HIVEP2: variants seen among roughly 807,000 people sequenced by gnomAD.
The protein encoded by HIVEP2 is transcription factor HIVEP2.
A neutral mutation model predicts 180.7 loss-of-function variants in HIVEP2; 14 were observed. That is an observed-to-expected ratio of 0.08 (90% confidence interval 0.05 to 0.12). The LOEUF (loss-of-function observed/expected upper bound fraction) is 0.12. Among genes scored for constraint, HIVEP2 ranks in the 10% least tolerant of loss-of-function variants. The pLI is 1.00. For synonymous variants in HIVEP2, 1,184 were observed against 1,136.4 expected (o/e 1.04, Z -0.84); for missense variants, 2,579 against 3,008.5 (o/e 0.86, Z 3.34).
chr6:142,841,133 AT>A (rs1343343840), intron 1 of HIVEP2, among the ~76,000 whole-genome samples: 1 of 151,860 alleles, frequency 6.6e-6, no homozygotes, highest in Non-Finnish European at 1.5e-5. Context: ...TTTTTTATAC[AT>A]TTTTTCCTGT....
intron 2 of HIVEP2, among the ~76,000 whole-genome samples, chr6:142,784,073 C>T (rs1170065910): frequency 6.6e-6 from 1 of 152,098 alleles, no homozygotes; most frequent in Non-Finnish European, 1.5e-5. Flanking sequence ...AATAGGAATC[C>T]AAACCCAACC....
intron 2 of HIVEP2, among the ~76,000 whole-genome samples, chr6:142,805,909 T>TG (rs1776536893): frequency 6.6e-6 from 1 of 152,114 alleles, no homozygotes. Context: ...AGGTCTACAA[T>TG]GGGGAATCAG....
chr6:142,850,645 A>G (rs1775624130), intron 1 of HIVEP2, among the ~76,000 whole-genome samples: 1 of 152,256 alleles, frequency 6.6e-6, no homozygotes, highest in South Asian at 2.1e-4. Context: ...TATGACAAAG[A>G]GGCTGCCCAA....
chr6:142,883,951 A>G (rs911942476), intron 1 of HIVEP2, among the ~76,000 whole-genome samples: 11 of 152,172 alleles, frequency 7.2e-5, no homozygotes, highest in Admixed American at 3.9e-4. Context: ...TAACATTTAT[A>G]GTGACAGTCA....
chr6:142,848,167 G>T (rs1775563242), intron 1 of HIVEP2, among the ~76,000 whole-genome samples: 1 of 152,202 alleles, frequency 6.6e-6, no homozygotes, highest in Non-Finnish European at 1.5e-5. Flanking sequence ...AATGAACTGT[G>T]ATGAAGCTAC....
At position 142,753,937 on chromosome 6, in the gene HIVEP2, C is replaced by T. The variant is rs1369605947; in HGVS notation, c.6517-6G>A. ...GGTAATCCTCTTCTTAAATTCTGCG[C>T]AGAGAAACAAAGAGAGCACAAAATT... On this transcript the variant is annotated splice_polypyrimidine_tract_variant and splice_region_variant and intron_variant, in intron 9 of 9. Coordinates refer to ENST00000367603, the MANE Select transcript of HIVEP2 (RefSeq NM_006734.4). 6.6e-7 allele frequency: 1 copy of T among 1,517,622 alleles called. No individual in the cohort carries two copies. The highest frequency in any genetic ancestry group is 1.9e-5 in the Admixed American group (1 of 53,734). 94.0% of individuals were successfully genotyped at this position (1,517,622 alleles called of 1,614,324 possible). A position where few individuals can be genotyped will look rare whatever the true frequency, so the allele number is the denominator to read the frequency against.
At chr6:142,930,513 G>GC (rs57285276) in intron 1 of HIVEP2, among the ~76,000 whole-genome samples, 6,256 of 152,182 alleles carry the variant, frequency 0.041, 456 homozygotes, top group African/African-American at 0.14. Context: ...ACAAAGTACA[G>GC]CCCCTGTAAC....
chr6:142,784,567 A>G (rs1775937460), intron 2 of HIVEP2, among the ~76,000 whole-genome samples: 1 of 152,236 alleles, frequency 6.6e-6, no homozygotes, highest in Non-Finnish European at 1.5e-5. Context: ...AAAAGACACA[A>G]AAGGTGCAAA....
intron 2 of HIVEP2, among the ~76,000 whole-genome samples, chr6:142,792,052 G>T (rs1045090942): frequency 6.6e-6 from 1 of 152,148 alleles, no homozygotes; most frequent in Admixed American, 6.6e-5. Flanking sequence ...ACAAGAGAAG[G>T]GGTATTGGAG....
At chr6:142,898,526 G>A (rs1777055072) in intron 1 of HIVEP2, among the ~76,000 whole-genome samples, 1 of 152,116 alleles carries the variant, frequency 6.6e-6, no homozygotes. Context: ...GCCAGGTGTG[G>A]TGGTGCACGC....
chr6:142,837,820 G>A (rs927570157), intron 1 of HIVEP2, among the ~76,000 whole-genome samples: 2 of 152,062 alleles, frequency 1.3e-5, no homozygotes, highest in African/African-American at 4.8e-5. Context: ...GGGTTGAGCA[G>A]AAGAGTGAAA....
At chr6:142,844,613 A>G (rs890600986) in intron 1 of HIVEP2, among the ~76,000 whole-genome samples, 3 of 152,210 alleles carry the variant, frequency 2.0e-5, no homozygotes, top group Non-Finnish European at 4.4e-5. Flanking sequence ...GTTCTTAGTA[A>G]GGAAGTCAGA....
chr6:142,837,475 A>G (rs772685575), intron 1 of HIVEP2, among the ~76,000 whole-genome samples: 4 of 152,084 alleles, frequency 2.6e-5, no homozygotes, highest in Admixed American at 6.6e-5. Flanking sequence ...CCCTAGCTAC[A>G]TGCAATCTCT....
chr6:142,773,278 G>A lies in HIVEP2; in HGVS notation c.1461C>T (p.Pro487=), dbSNP rs367879502. ...QLIPSKGDVD[P]SQTSMLKSTK... ...TGGATTTCAGCATGCTCGTTTGACT[G>A]GGGTCGACATCTCCCTTGCTTGGGA... The change falls in exon 5 of 10, where the codon CCC becomes CCT. Residue 487 remains proline, a synonymous_variant. Coordinates refer to ENST00000367603, the MANE Select transcript of HIVEP2 (RefSeq NM_006734.4). The A allele has an allele frequency of 9.1e-5, 147 of 1,614,032 alleles. No homozygotes were observed. Among genetic ancestry groups the A allele is most frequent in the Non-Finnish European group, 1.2e-4 (140 of 1,180,014 alleles).
chr6:142,870,734 A>G (rs1001022773), intron 1 of HIVEP2, among the ~76,000 whole-genome samples: 2 of 152,200 alleles, frequency 1.3e-5, no homozygotes, highest in African/African-American at 4.8e-5. Flanking sequence ...AGAAAAGTGA[A>G]GCACAAAAAG....
At chr6:142,849,137 G>C (rs1775585239) in intron 1 of HIVEP2, among the ~76,000 whole-genome samples, 2 of 152,182 alleles carry the variant, frequency 1.3e-5, no homozygotes, top group African/African-American at 4.8e-5. Context: ...TGTATGCAAA[G>C]GTACACAAAT....
intron 1 of HIVEP2, among the ~76,000 whole-genome samples, chr6:142,889,565 T>C (rs2128420411): frequency 6.6e-6 from 1 of 152,264 alleles, no homozygotes; most frequent in African/African-American, 2.4e-5. Flanking sequence ...CAAAGAAAAC[T>C]GAATTCAACA....
chr6:142,806,537 T>C (rs1320201716), intron 2 of HIVEP2, among the ~76,000 whole-genome samples: 1 of 152,178 alleles, frequency 6.6e-6, no homozygotes, highest in Admixed American at 6.5e-5. Context: ...ATCCCTTTTT[T>C]TGGGAGGTGA....
In HIVEP2 at chr6:142,759,897, G is replaced by A; in HGVS notation, c.6391C>T (p.Pro2131Ser). Residue 2131 changes from proline (P) to serine (S), a missense_variant, in exon 9 of 10, where the codon CCT (proline) becomes TCT (serine). Coordinates refer to ENST00000367603, the MANE Select transcript of HIVEP2 (RefSeq NM_006734.4). ...GTCATGTATCTTCTCTCTCTTCTAG[G>A]AGAGAGGTCTCTTCTTGCTGTGATA... ...KDITARRDLS[P>S]RRERRYMTTI... 1 of 1,614,110 alleles carries A rather than the reference G, an allele frequency of 6.2e-7. No homozygotes were observed. The highest frequency in any genetic ancestry group is 8.5e-7 in the Non-Finnish European group (1 of 1,179,996).
Sources: allele counts gnomAD v4.1 joint callset (sites outside exome capture counted in the v4.1 genomes callset), GRCh38; gene constraint gnomAD v4.1.1; transcripts MANE v1.5; gene names NCBI Gene and HGNC (gene_info 2026-07-23, HGNC 2026-07-21).